Variants in HSD17B12 observed in about 807,000 individuals in gnomAD.
HSD17B12 encodes hydroxysteroid 17-beta dehydrogenase 12, also known as very-long-chain 3-oxoacyl-CoA reductase.
HSD17B12 carries 32 observed loss-of-function variants against 39.3 expected under a neutral mutation model. The ratio of observed to expected loss-of-function variants is 0.81; its 90% CI spans 0.61 to 1.09. The LOEUF (loss-of-function observed/expected upper bound fraction) is 1.09. HSD17B12 is among the 50% of genes least tolerant of loss of function. The probability of loss-of-function intolerance (pLI) is 0.00; values close to 1 mark genes in which losing one functional copy is unlikely to be tolerated. For synonymous variants in HSD17B12, 150 were observed against 146.7 expected (o/e 1.02, Z -0.16); for missense variants, 342 against 382.9 (o/e 0.89, Z 0.89).
At chr11:43,565,403 G>C in the HSD17B12 span, among the ~76,000 whole-genome samples, 4 of 152,184 alleles carry the variant, frequency 2.6e-5, no homozygotes, top group Admixed American at 2.6e-4. Context: ...AAGGAGAGGT[G>C]CATCCTGTGA....
intron 1 of HSD17B12, among the ~76,000 whole-genome samples, chr11:43,682,123 A>C (rs1949751859): frequency 6.6e-6 from 1 of 152,372 alleles, no homozygotes; most frequent in Middle Eastern, 3.4e-3. Flanking sequence ...AGTAGGAAAG[A>C]CATATGTTAA....
chr11:43,649,170 A>G, the HSD17B12 span, among the ~76,000 whole-genome samples: 1 of 151,732 alleles, frequency 6.6e-6, no homozygotes, highest in African/African-American at 2.4e-5. Flanking sequence ...ATAAGGGGAG[A>G]AAAGGGCCCA....
At chr11:43,569,752 T>C in the HSD17B12 span, 2 of 152,786 alleles carry the variant, frequency 1.3e-5, no homozygotes, top group African/African-American at 2.4e-5. Flanking sequence ...GTCCCTTTCC[T>C]CTTGCTTGTT....
At chr11:43,741,734 CTTT>C (rs534584200) in intron 1 of HSD17B12, among the ~76,000 whole-genome samples, 10 of 130,448 alleles carry the variant, frequency 7.7e-5, no homozygotes, top group Admixed American at 2.3e-4. Context: ...TTTTCTTTTT[CTTT>C]TTTTTTTTTT....
intron 3 of HSD17B12, among the ~76,000 whole-genome samples, chr11:43,778,399 C>T (rs1338033469): frequency 6.6e-6 from 1 of 152,182 alleles, no homozygotes; most frequent in Non-Finnish European, 1.5e-5. Flanking sequence ...CGAATTCTAC[C>T]AGAGGTATAA....
chr11:43,793,549 A>G (rs1473208843), intron 3 of HSD17B12, among the ~76,000 whole-genome samples: 2 of 152,234 alleles, frequency 1.3e-5, no homozygotes, highest in Non-Finnish European at 2.9e-5. Flanking sequence ...GGAAATGCCA[A>G]TTTGTTGAGC....
intron 1 of HSD17B12, among the ~76,000 whole-genome samples, chr11:43,722,524 C>T (rs1950184993): frequency 6.6e-6 from 1 of 152,026 alleles, no homozygotes; most frequent in African/African-American, 2.4e-5. Context: ...CCAGCCTGGC[C>T]AACATAGTGA....
intron 8 of HSD17B12, among the ~76,000 whole-genome samples, chr11:43,838,694 C>T (rs540050921): frequency 6.6e-6 from 1 of 152,182 alleles, no homozygotes; most frequent in East Asian, 1.9e-4. Context: ...CTTGTGCCTT[C>T]CATAGACAGG....
At chr11:43,812,927 C>T (rs999422573) in intron 4 of HSD17B12, among the ~76,000 whole-genome samples, 17 of 152,174 alleles carry the variant, frequency 1.1e-4, no homozygotes, top group African/African-American at 2.9e-4. Context: ...CTGCAACCTT[C>T]GCCTCCTGGG....
chr11:43,600,928 A>G, the HSD17B12 span, among the ~76,000 whole-genome samples: 1 of 151,850 alleles, frequency 6.6e-6, no homozygotes, highest in Non-Finnish European at 1.5e-5. Context: ...TGCTTTAAAG[A>G]TACCGGTTGT....
intron 4 of HSD17B12, among the ~76,000 whole-genome samples, chr11:43,810,358 A>T (rs1481173481): frequency 4.4e-5 from 5 of 114,756 alleles, no homozygotes; most frequent in African/African-American, 1.6e-4. Context: ...AAGCAGTATA[A>T]TTTAGAAATT....
intron 1 of HSD17B12, among the ~76,000 whole-genome samples, chr11:43,735,216 G>A (rs1156963028): frequency 1.3e-5 from 2 of 152,120 alleles, no homozygotes; most frequent in Non-Finnish European, 2.9e-5. Context: ...TATTGGCAGT[G>A]GTGCTGTTAG....
At chr11:43,758,030 G>A (rs1950526983) in intron 3 of HSD17B12, among the ~76,000 whole-genome samples, 1 of 152,158 alleles carries the variant, frequency 6.6e-6, no homozygotes, top group Non-Finnish European at 1.5e-5. Flanking sequence ...TGTTATGCAA[G>A]GGAATTTATG....
At chr11:43,718,368 C>G (rs1950144302) in intron 1 of HSD17B12, among the ~76,000 whole-genome samples, 1 of 152,158 alleles carries the variant, frequency 6.6e-6, no homozygotes, top group Non-Finnish European at 1.5e-5. Flanking sequence ...AACCTGGAGT[C>G]CAGTATCTTT....
intron 6 of HSD17B12, among the ~76,000 whole-genome samples, chr11:43,822,579 G>A (rs529251012): frequency 8.5e-5 from 13 of 152,198 alleles, no homozygotes; most frequent in African/African-American, 2.2e-4. Flanking sequence ...GAGAACATGC[G>A]GTGTTTGGTT....
At chr11:43,631,541 C>CTG in the HSD17B12 span, among the ~76,000 whole-genome samples, 23 of 151,564 alleles carry the variant, frequency 1.5e-4, no homozygotes, top group African/African-American at 3.4e-4. Context: ...TTCTCTCTCT[C>CTG]TGTGTGTGTG....
chr11:43,716,058 T>C (rs1950119983), intron 1 of HSD17B12, among the ~76,000 whole-genome samples: 1 of 152,192 alleles, frequency 6.6e-6, no homozygotes, highest in African/African-American at 2.4e-5. Context: ...AGGAATTGTG[T>C]TCTGAAAACT....
chr11:43,815,555 T>C, intron 5 of HSD17B12, 54 bp downstream of exon 5: 1 of 1,107,396 alleles, frequency 9.0e-7, no homozygotes, highest in Admixed American at 1.7e-5. Flanking sequence ...CAGGTATTGG[T>C]ATAATGATTC....
chr11:43,733,184 C>T (rs532900753), intron 1 of HSD17B12, among the ~76,000 whole-genome samples: 1 of 152,298 alleles, frequency 6.6e-6, no homozygotes, highest in Non-Finnish European at 1.5e-5. Flanking sequence ...TGCATTATTG[C>T]TGAATGCGTC....
Sources: gnomAD v4.1 joint callset for allele counts (sites outside exome capture counted in the v4.1 genomes callset) on GRCh38, gnomAD v4.1.1 for gene constraint, MANE v1.5 for transcripts, NCBI Gene and HGNC (gene_info 2026-07-23, HGNC 2026-07-21) for gene names.